The following SLC39A13 variants were observed in gnomAD, a reference collection of about 807,000 sequenced individuals.
The protein encoded by SLC39A13 is solute carrier family 39 member 13, also known as zinc transporter ZIP13.
A neutral mutation model predicts 38.7 loss-of-function variants in SLC39A13; 18 were observed. The ratio of observed to expected loss-of-function variants is 0.47; its 90% CI spans 0.32 to 0.69. The LOEUF is 0.69. Among genes scored for constraint, SLC39A13 ranks in the 30% least tolerant of loss-of-function variants. The probability of loss-of-function intolerance (pLI) is 0.03; values close to 1 mark genes in which losing one functional copy is unlikely to be tolerated. For missense variants in SLC39A13, 395 were observed against 490.7 expected (o/e 0.80, Z 1.84); for synonymous variants, 212 against 219.1 (o/e 0.97, Z 0.29).
chr11:47,415,448 G>C lies in SLC39A13; in HGVS notation c.*85G>C. 6.7e-7 allele frequency: 1 copy of C among 1,492,474 alleles called. No homozygotes were observed. Among genetic ancestry groups the C allele is most frequent in the East Asian group, 2.3e-5 (1 of 44,322 alleles). The allele number at this position is 1,492,474 out of a possible 1,614,324, so 92.5% of individuals were successfully genotyped here. A position where few individuals can be genotyped will look rare whatever the true frequency, so the allele number is the denominator to read the frequency against. On this transcript the variant is annotated 3_prime_UTR_variant, in exon 10 of 10. Coordinates refer to ENST00000362021, the MANE Select transcript of SLC39A13 (RefSeq NM_001128225.3). The stretch of plus-strand genomic sequence containing the variant: ...TGACCGCATATGTGAGAGGCAGAGA[G>C]GGCGAGTGGCTGCGAGAGAGAATGA...
At chr11:47,408,351 G>A (rs1163177775), upstream of SLC39A13, among the ~76,000 whole-genome samples, 2 of 152,096 alleles carry the variant, frequency 1.3e-5, no homozygotes, top group Non-Finnish European at 2.9e-5. Context: ...TGAGCGCGGT[G>A]CGTGTGGCTC....
chr11:47,415,511 A>G lies in SLC39A13; in HGVS notation c.*148A>G. On this transcript the variant is annotated 3_prime_UTR_variant, in exon 10 of 10. Transcript: ENST00000362021. ...ACAGGAGGGAGGTGCGTGTGGATGT[A>G]TGTGGTGTGCACATGTGGCCAGAGG... 6 of 880,090 alleles carry G rather than the reference A, an allele frequency of 6.8e-6. No homozygotes were observed. Among genetic ancestry groups the G allele is most frequent in the Non-Finnish European group, 7.4e-6 (4 of 542,888 alleles). 54.5% of individuals were successfully genotyped at this position (880,090 alleles called of 1,614,324 possible).
chr11:47,414,941 GCAT>G, intron 8 of SLC39A13, 32 bp downstream of exon 8: 4 of 1,603,028 alleles, frequency 2.5e-6, no homozygotes, highest in Non-Finnish European at 3.4e-6. Flanking sequence ...GTGGCGGGTG[GCAT>G]CAGCAGAGGG....
At chr11:47,413,338 TGTCTGC>T (rs1461570794) in intron 4 of SLC39A13, 56 bp from the exon 5 acceptor site, 2 of 1,526,686 alleles carry the variant, frequency 1.3e-6, no homozygotes, top group Admixed American at 1.7e-5. Flanking sequence ...TCTCCCCTTC[TGTCTGC>T]CCTGGCTGAG....
At position 47,412,405 on chromosome 11, in the gene SLC39A13, A is replaced by T. The variant is rs770526155; in HGVS notation, c.475A>T (p.Ile159Phe). Residue 159 changes from isoleucine to phenylalanine, a missense_variant, in exon 4 of 10, where the codon ATC becomes TTC. Ile to Phe is a conservative substitution (Grantham distance 21). Transcript: ENST00000362021. ...QQLGLWVIAG[I>F]LTFLALEKMF... ...GCTGGGGCTGTGGGTCATTGCTGGC[A>T]TCCTGACCTTCCTGGCGTTGGAGAA... is the stretch of plus-strand genomic sequence containing the variant. The T allele has an allele frequency of 9.9e-6, 16 of 1,614,110 alleles. No homozygotes were observed. The highest frequency in any genetic ancestry group is 1.4e-5 in the Non-Finnish European group (16 of 1,180,028).
chr11:47,414,860 C>A lies in SLC39A13; in HGVS notation c.870C>A (p.Gly290=), dbSNP rs1377982954. 6.2e-7 allele frequency: 1 copy of A among 1,612,522 alleles called. No homozygotes were observed. The highest frequency in any genetic ancestry group is 1.1e-5 in the South Asian group (1 of 91,028). ...TGCAACTCTCAACAGCGCTGGGGGGCCTACTGGGCGCTGGCTTCGCCATCT... is the reference window on the plus strand; with the variant it reads ...TGCAACTCTCAACAGCGCTGGGGGGACTACTGGGCGCTGGCTTCGCCATCT... ...AKLQLSTALG[G]LLGAGFAICT... The change falls in exon 8 of 10, where the codon GGC becomes GGA. Residue 290 remains glycine (G), a synonymous_variant. Coordinates refer to ENST00000362021, the MANE Select transcript of SLC39A13 (RefSeq NM_001128225.3).
At chr11:47,411,664 G>A (rs998562220) in intron 2 of SLC39A13, among the ~76,000 whole-genome samples, 3 of 152,230 alleles carry the variant, frequency 2.0e-5, no homozygotes, top group South Asian at 2.1e-4. Flanking sequence ...TGGAGAAACC[G>A]AGTCTCCAAA....
intron 5 of SLC39A13, 22 bp from the exon 6 acceptor site, chr11:47,413,575 T>G (rs762283496): frequency 1.9e-6 from 3 of 1,614,178 alleles, no homozygotes; most frequent in Non-Finnish European, 2.5e-6. Flanking sequence ...CAGCCCTGCC[T>G]CCTGCCTTCC....
At chr11:47,408,588 G>T (rs1470308703), upstream of SLC39A13, 6 of 146,960 alleles carry the variant, frequency 4.1e-5, no homozygotes, top group Non-Finnish European at 6.1e-5. Flanking sequence ...GCCGGGCGGG[G>T]CAGAGCCTGG....
At chr11:47,414,734 G>C in intron 7 of SLC39A13, 43 bp from the exon 8 acceptor site, 1 of 1,601,130 alleles carries the variant, frequency 6.2e-7, no homozygotes, top group Admixed American at 1.7e-5. Context: ...CAGGGCATCA[G>C]GCCCCGCTGG....
At chr11:47,409,471 C>T (rs1417244406) in intron 1 of SLC39A13, 3 of 153,900 alleles carry the variant, frequency 1.9e-5, no homozygotes, top group Non-Finnish European at 2.9e-5. Flanking sequence ...TTAGACAGCT[C>T]AAAGTGCAGC....
rs749230315 is a variant in SLC39A13 at position 47,414,875 on chromosome 11, C to T, written c.885C>T (p.Gly295=). The change falls in exon 8 of 10, where the codon GGC becomes GGT. Residue 295 remains glycine (G), a synonymous_variant. Transcript: ENST00000362021. The part of the protein sequence containing the change: ...STALGGLLGA[G]FAICTQSPKG... ...CGCTGGGGGGCCTACTGGGCGCTGG[C>T]TTCGCCATCTGTACCCAGTCCCCCA... is the stretch of plus-strand genomic sequence containing the variant. 1 of 1,612,540 alleles carries T rather than the reference C, an allele frequency of 6.2e-7. No homozygotes were observed. Among genetic ancestry groups the T allele is most frequent in the Non-Finnish European group, 8.5e-7 (1 of 1,179,898 alleles).
Position 47,414,533 on chromosome 11 carries a change from C to T in SLC39A13, c.786+58C>T. 8 of 1,591,104 alleles carry T rather than the reference C, an allele frequency of 5.0e-6. No homozygotes were observed. In the Admixed American group the frequency reaches 1.2e-4, roughly 24 times the overall value. On this transcript the variant is annotated intron_variant, in intron 7 of 9. Transcript: ENST00000362021. ...AGGCCCCCACAGTGCCCATGATCAGCATGGGTGTGGAGCTCAGGAGGGTGT... is the reference window on the plus strand; with the variant it reads ...AGGCCCCCACAGTGCCCATGATCAGTATGGGTGTGGAGCTCAGGAGGGTGT...
intron 8 of SLC39A13, 38 bp from the exon 9 acceptor site, chr11:47,415,001 G>A (rs756485801): frequency 3.0e-5 from 48 of 1,611,070 alleles, no homozygotes; most frequent in African/African-American, 1.1e-4. Context: ...CCCCAGGCCC[G>A]GGAGGTGGGG....
In SLC39A13 at chr11:47,411,984, T is replaced by C. The variant is rs757370860; in HGVS notation, c.360T>C (p.Asn120=). ...TCGCCCTGGGGGGACTCTTGGGCAATGTGTTTCTGCATCTGCTGCCCGAAG... is the reference window on the plus strand; with the variant it reads ...TCGCCCTGGGGGGACTCTTGGGCAACGTGTTTCTGCATCTGCTGCCCGAAG... ...LSFALGGLLG[N]VFLHLLPEAW... Residue 120 remains asparagine (N), a synonymous_variant, in exon 3 of 10, where the codon AAT becomes AAC. Transcript: ENST00000362021. The C allele has an allele frequency of 6.2e-7, 1 of 1,613,758 alleles. No homozygotes were observed. The highest frequency in any genetic ancestry group is 1.7e-5 in the Admixed American group (1 of 59,982).
intron 1 of SLC39A13, 63 bp from the exon 2 acceptor site, chr11:47,410,024 G>A (rs970237834): frequency 4.4e-6 from 7 of 1,599,966 alleles, no homozygotes; most frequent in Non-Finnish European, 6.0e-6. Context: ...GAGGCGCCAC[G>A]TTTCCTAAGC....
chr11:47,412,464 C>T lies in SLC39A13; in HGVS notation c.534C>T (p.Ser178=). 6.2e-7 allele frequency: 1 copy of T among 1,614,136 alleles called. No individual in the cohort carries two copies. The change falls in exon 4 of 10, where the codon AGC becomes AGT. Residue 178 remains serine, a synonymous_variant. Transcript: ENST00000362021. ...MFLDSKEEGT[S]QAPNKDPTAA... ...TGGACAGCAAGGAGGAGGGGACCAG[C>T]CAGGTGGGCCCCACACTCAAGGGCC...
intron 6 of SLC39A13, 66 bp from the exon 7 acceptor site, chr11:47,414,359 T>G: frequency 6.5e-7 from 1 of 1,542,202 alleles, no homozygotes; most frequent in Non-Finnish European, 8.8e-7. Flanking sequence ...CTCTGTGGAA[T>G]GAGTGGGCGA....
In SLC39A13 at chr11:47,414,973, G is replaced by A. The variant is rs1372699270; in HGVS notation, c.919+64G>A. ...CAGAGGGGCACCAGCCAAAGGGTGT[G>A]GCTACCGCACTGCTGGTCCCCAGGC... On this transcript the variant is annotated intron_variant, in intron 8 of 9. Transcript: ENST00000362021. 5.0e-6 allele frequency: 8 copies of A among 1,608,702 alleles called. No individual in the cohort carries two copies. In the Admixed American group the frequency reaches 6.7e-5, roughly 13 times the overall value.
Sources: gnomAD v4.1 joint callset for allele counts (sites outside exome capture counted in the v4.1 genomes callset) on GRCh38, gnomAD v4.1.1 for gene constraint, MANE v1.5 for transcripts, NCBI Gene and HGNC (gene_info 2026-07-23, HGNC 2026-07-21) for gene names.